TLCD4: variants seen among roughly 807,000 people sequenced by gnomAD.
TLCD4 encodes TLC domain-containing protein 4.
A neutral mutation model predicts 24.2 loss-of-function variants in TLCD4; 7 were observed. The observed-to-expected ratio is 0.29, with a 90% CI of 0.16 to 0.54. The LOEUF (loss-of-function observed/expected upper bound fraction) is 0.54, where lower values mean the gene tolerates loss of function less well. TLCD4 is among the 20% of genes least tolerant of loss of function. TLCD4 has a pLI of 0.95. For synonymous variants in TLCD4, 103 were observed against 106.4 expected (o/e 0.97, Z 0.20); for missense variants, 259 against 313.9 (o/e 0.82, Z 1.32).
chr1:95,133,267 C>G (rs983679269), intron 1 of TLCD4, among the ~76,000 whole-genome samples: 17 of 151,924 alleles, frequency 1.1e-4, no homozygotes, highest in African/African-American at 4.1e-4. Flanking sequence ...ATAGCATTAG[C>G]AGATATACCT....
the TLCD4 span, among the ~76,000 whole-genome samples, chr1:95,097,999 A>G: frequency 6.6e-6 from 1 of 152,242 alleles, no homozygotes; most frequent in Non-Finnish European, 1.5e-5. Flanking sequence ...ACTAGCTCTC[A>G]ATATATTTGT....
chr1:95,173,777 A>C, intron 5 of TLCD4, 39 bp from the exon 6 acceptor site: 1 of 1,613,360 alleles, frequency 6.2e-7, no homozygotes, highest in Non-Finnish European at 8.5e-7. Context: ...TTTGTTAAGA[A>C]TGTTATCCTT....
chr1:95,152,861 T>C (rs1354506858), intron 5 of TLCD4, among the ~76,000 whole-genome samples: 1 of 152,132 alleles, frequency 6.6e-6, no homozygotes, highest in African/African-American at 2.4e-5. Context: ...TAATCCTCAA[T>C]TTTTAAGGAC....
At chr1:95,109,522 C>T in the TLCD4 span, among the ~76,000 whole-genome samples, 2 of 143,358 alleles carry the variant, frequency 1.4e-5, no homozygotes, top group Non-Finnish European at 3.0e-5. Context: ...GAATCTTGCT[C>T]TGTTGCCCAG....
At position 95,192,527 on chromosome 1, in the gene TLCD4, A is replaced by G. The variant is rs555581167; in HGVS notation, c.*659A>G. 1 of 152,334 alleles carries G rather than the reference A, an allele frequency of 6.6e-6. No homozygotes were observed. The highest frequency in any genetic ancestry group is 6.5e-5 in the Admixed American group (1 of 15,298). 9.4% of individuals were successfully genotyped at this position (152,334 alleles called of 1,614,324 possible). On this transcript the variant is annotated 3_prime_UTR_variant, in exon 7 of 7. Coordinates refer to ENST00000370203, the MANE Select transcript of TLCD4 (RefSeq NM_152487.3). ...TGGTACAAATGGTTTTATGTCACCAATTTTGCTGCAAGAATGGGAACTGCT... is the reference window on the plus strand; with the variant it reads ...TGGTACAAATGGTTTTATGTCACCAGTTTTGCTGCAAGAATGGGAACTGCT...
upstream of TLCD4, among the ~76,000 whole-genome samples, chr1:95,113,758 C>G (rs1676381526): frequency 6.6e-6 from 1 of 151,854 alleles, no homozygotes; most frequent in East Asian, 1.9e-4. Flanking sequence ...AAAAGATGGC[C>G]AGAATCTCAT....
intron 1 of TLCD4, among the ~76,000 whole-genome samples, chr1:95,130,469 T>C (rs532164989): frequency 6.6e-6 from 1 of 152,310 alleles, no homozygotes; most frequent in East Asian, 1.9e-4. Flanking sequence ...TATTCTTTAC[T>C]AAAATTTCAA....
chr1:95,134,862 T>C (rs1677001124), intron 1 of TLCD4, among the ~76,000 whole-genome samples: 1 of 152,200 alleles, frequency 6.6e-6, no homozygotes, highest in South Asian at 2.1e-4. Context: ...ATATGCTGAG[T>C]ACTGTTCTAA....
chr1:95,101,745 A>G, the TLCD4 span, among the ~76,000 whole-genome samples: 3 of 152,252 alleles, frequency 2.0e-5, no homozygotes, highest in African/African-American at 7.2e-5. Context: ...AAGTACCTGT[A>G]CAAAGCAAGA....
At chr1:95,114,325 A>G (rs1676390021), upstream of TLCD4, among the ~76,000 whole-genome samples, 1 of 152,242 alleles carries the variant, frequency 6.6e-6, no homozygotes, top group South Asian at 2.1e-4. Context: ...TTTTTTAGTA[A>G]TTCAGCCTTT....
the TLCD4 span, among the ~76,000 whole-genome samples, chr1:95,096,924 A>C: frequency 6.6e-6 from 1 of 152,216 alleles, no homozygotes; most frequent in Admixed American, 6.5e-5. Context: ...GAGTTAAAGA[A>C]ATACAAGTAA....
intron 1 of TLCD4, among the ~76,000 whole-genome samples, chr1:95,129,795 A>G (rs1252151029): frequency 1.3e-5 from 2 of 152,308 alleles, no homozygotes; most frequent in East Asian, 3.9e-4. Flanking sequence ...CACCTTTCCT[A>G]GCTTGGTCTT....
chr1:95,126,898 G>C lies in TLCD4; in HGVS notation c.-12+9281G>C, dbSNP rs554028276. 1.8e-4 allele frequency among the ~76,000 whole-genome samples: 28 copies of C among 152,312 alleles called. No homozygotes were observed. In the South Asian group the frequency reaches 4.6e-3, roughly 25 times the overall value. ...TGGCAAGGCCAGCCCAGGTTCACAG[G>C]GCAGAGACATAGACTCCACCTCGGG... On this transcript the variant is annotated intron_variant, in intron 1 of 6. Coordinates refer to ENST00000370203, the MANE Select transcript of TLCD4 (RefSeq NM_152487.3).
At chr1:95,105,059 T>C in the TLCD4 span, among the ~76,000 whole-genome samples, 4 of 152,124 alleles carry the variant, frequency 2.6e-5, no homozygotes, top group African/African-American at 9.7e-5. Flanking sequence ...CAGTACAGTA[T>C]TCAATAAATT....
At chr1:95,125,074 A>G (rs746134372) in intron 1 of TLCD4, among the ~76,000 whole-genome samples, 12 of 152,238 alleles carry the variant, frequency 7.9e-5, no homozygotes, top group Admixed American at 7.8e-4. Context: ...TCATAAAGCC[A>G]GGAAGAATTC....
At position 95,191,788 on chromosome 1, in the gene TLCD4, T is replaced by G; in HGVS notation, c.712T>G (p.Ser238Ala). ...GAATGTCATGTGGATGATCAAAATT[T>G]CAAAAGGTTGCATCAAAGTCATCTC... ...VMNVMWMIKI[S>A]KGCIKVISHI... is the part of the protein sequence containing the mutation. Residue 238 changes from serine to alanine, a missense_variant, in exon 7 of 7, where the codon TCA (serine) becomes GCA (alanine). Physicochemically the swap from Ser to Ala is moderately conservative, Grantham distance 99. Coordinates refer to ENST00000370203, the MANE Select transcript of TLCD4 (RefSeq NM_152487.3). The G allele has an allele frequency of 6.2e-7, 1 of 1,614,108 alleles. No homozygotes were observed. The highest frequency in any genetic ancestry group is 8.5e-7 in the Non-Finnish European group (1 of 1,180,014).
the TLCD4 span, among the ~76,000 whole-genome samples, chr1:95,108,726 C>A: frequency 6.6e-6 from 1 of 152,156 alleles, no homozygotes; most frequent in Non-Finnish European, 1.5e-5. Flanking sequence ...TTTATTTTTT[C>A]CAGGTGCTAT....
intron 1 of TLCD4, among the ~76,000 whole-genome samples, chr1:95,123,591 C>T (rs932088496): frequency 6.6e-6 from 1 of 152,176 alleles, no homozygotes; most frequent in Non-Finnish European, 1.5e-5. Flanking sequence ...TCTTCCAGCT[C>T]CCACCCTGGC....
At chr1:95,108,040 A>C in the TLCD4 span, among the ~76,000 whole-genome samples, 1 of 152,164 alleles carries the variant, frequency 6.6e-6, no homozygotes. Flanking sequence ...AAGACCATTT[A>C]TAATGTGTAA....
Sources: allele counts gnomAD v4.1 joint callset (sites outside exome capture counted in the v4.1 genomes callset), GRCh38; gene constraint gnomAD v4.1.1; transcripts MANE v1.5; gene names NCBI Gene and HGNC (gene_info 2026-07-23, HGNC 2026-07-21).